The following MYO1B variants were observed in gnomAD, a reference collection of about 807,000 sequenced individuals.
The protein encoded by MYO1B is unconventional myosin-Ib.
MYO1B carries 72 observed loss-of-function variants against 159.7 expected under a neutral mutation model. The ratio of observed to expected loss-of-function variants is 0.45; its 90% confidence interval spans 0.37 to 0.55. MYO1B has a LOEUF of 0.55. Ranked by LOEUF, MYO1B falls within the 20% of genes least tolerant of loss-of-function variation. MYO1B has a pLI of 0.00. For missense variants in MYO1B, 1,062 were observed against 1,364.8 expected (o/e 0.78, Z 3.50); for synonymous variants, 468 against 473.8 (o/e 0.99, Z 0.16).
intron 13 of MYO1B, among the ~76,000 whole-genome samples, chr2:191,374,018 A>G (rs1175242609): frequency 1.3e-5 from 2 of 152,100 alleles, no homozygotes; most frequent in Non-Finnish European, 2.9e-5. Context: ...GGGGATTTTT[A>G]GGTACTTTTA....
intron 3 of MYO1B, among the ~76,000 whole-genome samples, chr2:191,296,688 AGGCC>A (rs1381924246): frequency 3.3e-5 from 5 of 152,226 alleles, no homozygotes; most frequent in Admixed American, 3.3e-4. Context: ...TGCGTGGGAT[AGGCC>A]AGTGATTTCA....
chr2:191,382,304 C>T (rs1005353078), intron 14 of MYO1B, among the ~76,000 whole-genome samples: 1 of 151,916 alleles, frequency 6.6e-6, no homozygotes, highest in African/African-American at 2.4e-5. Flanking sequence ...ACACTGAATT[C>T]TCTTTTATCT....
At chr2:191,378,848 G>T (rs745570441) in intron 13 of MYO1B, among the ~76,000 whole-genome samples, 1 of 152,074 alleles carries the variant, frequency 6.6e-6, no homozygotes, top group African/African-American at 2.4e-5. Context: ...TGGGATAAGG[G>T]GTGATATTGT....
Position 191,387,393 on chromosome 2 carries a change from A to G in MYO1B, c.1724A>G (p.Lys575Arg), listed in dbSNP as rs920855865. Residue 575 changes from lysine (K) to arginine (R), a missense_variant, in exon 17 of 31, where the codon AAG (lysine) becomes AGG (arginine). Coordinates refer to ENST00000392318, the MANE Select transcript of MYO1B (RefSeq NM_001130158.3). The stretch of plus-strand genomic sequence containing the variant: ...CCTCCTACAGCAGGCTCACAGTTCA[A>G]GGCATCCGTGGCCACTCTGATGAAA... ...KRPPTAGSQF[K>R]ASVATLMKNL... The G allele has an allele frequency of 1.2e-6, 2 of 1,614,218 alleles. No individual in the cohort carries two copies. The highest frequency in any genetic ancestry group is 2.2e-5 in the South Asian group (2 of 91,076).
chr2:191,370,079 T>C, intron 12 of MYO1B, 148 bp from the exon 13 acceptor site: 1 of 596,178 alleles, frequency 1.7e-6, no homozygotes, highest in South Asian at 2.4e-5. Flanking sequence ...CAATGCCTCA[T>C]CTCATACATT....
intron 1 of MYO1B, among the ~76,000 whole-genome samples, chr2:191,252,779 C>T (rs182864338): frequency 1.3e-5 from 2 of 152,324 alleles, no homozygotes; most frequent in Non-Finnish European, 2.9e-5. Context: ...TTTATTACCT[C>T]TTACCTAATA....
At chr2:191,325,720 C>T (rs962909685) in intron 3 of MYO1B, among the ~76,000 whole-genome samples, 1 of 152,044 alleles carries the variant, frequency 6.6e-6, no homozygotes, top group Non-Finnish European at 1.5e-5. Context: ...GCCATTGTGT[C>T]TGATGGCCAT....
intron 4 of MYO1B, among the ~76,000 whole-genome samples, chr2:191,332,986 T>A (rs1691589566): frequency 6.6e-6 from 1 of 152,224 alleles, no homozygotes; most frequent in East Asian, 1.9e-4. Context: ...AATAATTGAA[T>A]GAACATCATG....
At chr2:191,286,366 C>T (rs868337543) in intron 2 of MYO1B, among the ~76,000 whole-genome samples, 1 of 151,912 alleles carries the variant, frequency 6.6e-6, no homozygotes, top group African/African-American at 2.4e-5. Context: ...GACCGAGGCC[C>T]TCTGCAAGGA....
chr2:191,344,829 CAAAAAAAAAAA>C (rs10646926), intron 5 of MYO1B, among the ~76,000 whole-genome samples: 7 of 56,158 alleles, frequency 1.2e-4, no homozygotes, highest in Non-Finnish European at 2.0e-4. Flanking sequence ...GACTCCGTCT[CAAAAAAAAAAA>C]AAAAAAAAAA....
At chr2:191,391,727 A>G (rs1559227671) in intron 18 of MYO1B, among the ~76,000 whole-genome samples, 1 of 152,262 alleles carries the variant, frequency 6.6e-6, no homozygotes, top group Non-Finnish European at 1.5e-5. Flanking sequence ...GGGCAGAAAC[A>G]ATGTTTAAAA....
chr2:191,359,947 T>C (rs771184117), intron 7 of MYO1B, among the ~76,000 whole-genome samples: 3 of 152,208 alleles, frequency 2.0e-5, no homozygotes, highest in Non-Finnish European at 4.4e-5. Context: ...GTTGAAAAAT[T>C]ATCTGGAGTC....
intron 23 of MYO1B, 25 bp downstream of exon 23, chr2:191,400,860 C>T (rs775843980): frequency 8.7e-6 from 14 of 1,604,338 alleles, no homozygotes; most frequent in Non-Finnish European, 1.2e-5. Flanking sequence ...TATCCCAACA[C>T]TCCATCCTGG....
intron 11 of MYO1B, among the ~76,000 whole-genome samples, chr2:191,369,010 A>G (rs1694191608): frequency 6.6e-6 from 1 of 152,046 alleles, no homozygotes; most frequent in African/African-American, 2.4e-5. Context: ...TTGAGTGAAG[A>G]AAAAAAATTT....
At chr2:191,322,229 G>A (rs1690769074) in intron 3 of MYO1B, among the ~76,000 whole-genome samples, 1 of 152,180 alleles carries the variant, frequency 6.6e-6, no homozygotes, top group Admixed American at 6.6e-5. Flanking sequence ...TCAGAAGGAA[G>A]TCCTCAGCAG....
intron 1 of MYO1B, among the ~76,000 whole-genome samples, chr2:191,255,744 A>G (rs1288819252): frequency 6.6e-6 from 1 of 152,198 alleles, no homozygotes; most frequent in African/African-American, 2.4e-5. Context: ...AGCTGCCTCT[A>G]TGGTGAGGCT....
rs878864660 is a variant in MYO1B at position 191,276,949 on chromosome 2, G to A, written c.54G>A (p.Gly18=). 2 of 1,613,948 alleles carry A rather than the reference G, an allele frequency of 1.2e-6. No homozygotes were observed. The highest frequency in any genetic ancestry group is 2.2e-5 in the South Asian group (2 of 91,058). ...TSLLDNMIGV[G]DMVLLEPLNE... is the part of the protein sequence containing the mutation. ...TTCTGGACAATATGATTGGAGTTGG[G>A]GATATGGTTCTTTTAGAACCTCTCA... The change falls in exon 2 of 31, where the codon GGG becomes GGA. Residue 18 remains glycine, a synonymous_variant. Coordinates refer to ENST00000392318, the MANE Select transcript of MYO1B (RefSeq NM_001130158.3).
At chr2:191,344,699 G>A (rs374291536) in intron 5 of MYO1B, among the ~76,000 whole-genome samples, 3 of 150,716 alleles carry the variant, frequency 2.0e-5, no homozygotes, top group Non-Finnish European at 4.5e-5. Flanking sequence ...GCGTAGTGGC[G>A]GGCGCCTGTA....
intron 7 of MYO1B, among the ~76,000 whole-genome samples, chr2:191,355,029 A>T (rs1693180390): frequency 6.6e-6 from 1 of 152,204 alleles, no homozygotes; most frequent in Non-Finnish European, 1.5e-5. Flanking sequence ...CAATGGAACA[A>T]TTAGCAACTA....
Sources: gnomAD v4.1 joint callset for allele counts (sites outside exome capture counted in the v4.1 genomes callset) on GRCh38, gnomAD v4.1.1 for gene constraint, MANE v1.5 for transcripts, NCBI Gene and HGNC (gene_info 2026-07-23, HGNC 2026-07-21) for gene names.